Variants in MPP2 observed in about 807,000 individuals in gnomAD.
MPP2 encodes MAGUK p55 subfamily member 2.
Under a neutral mutation model 58.5 loss-of-function variants are expected in MPP2, and 42 were observed. That is an observed-to-expected ratio of 0.72 (90% CI 0.56 to 0.93). The LOEUF is 0.93. Ranked by LOEUF, MPP2 falls within the 40% of genes least tolerant of loss-of-function variation. MPP2 has a pLI of 0.00. For synonymous variants in MPP2, 300 were observed against 307.8 expected (o/e 0.97, Z 0.26); for missense variants, 632 against 760.4 (o/e 0.83, Z 1.99).
chr17:43,879,834 A>C lies in MPP2; in HGVS notation c.1301T>G (p.Ile434Ser), dbSNP rs2047024072. Reference protein sequence around the residue: ...GNLYGTRIDSIRGVVAAGKVC... With the variant: ...GNLYGTRIDSSRGVVAAGKVC... ...CTTCCCAGCAGCGACCACGCCCCGG[A>C]TGGAGTCAATACGTGTGCCATACAG... The change falls in exon 11 of 13, where the codon ATC becomes AGC. Residue 434 changes from isoleucine (I) to serine (S), a missense_variant. Transcript: ENST00000269095. The surrounding 1 kb of genome is among the most constrained non-coding windows in gnomAD (Gnocchi z 4.1). 4 of 1,613,920 alleles carry C rather than the reference A, an allele frequency of 2.5e-6. No homozygotes were observed. Among genetic ancestry groups the C allele is most frequent in the Non-Finnish European group, 3.4e-6 (4 of 1,179,962 alleles).
chr17:43,893,535 G>A (rs1223567522), intron 3 of MPP2, among the ~76,000 whole-genome samples: 1 of 152,210 alleles, frequency 6.6e-6, no homozygotes, highest in Admixed American at 6.5e-5. Context: ...CCATGGACCA[G>A]TACTGATCCG....
At position 43,877,043 on chromosome 17, in the gene MPP2, G is replaced by A. The variant is rs939193901; in HGVS notation, c.*764C>T. On this transcript the variant is annotated 3_prime_UTR_variant, in exon 13 of 13. Coordinates refer to ENST00000269095, the MANE Select transcript of MPP2 (RefSeq NM_005374.5). ...CCTCCATCCTGCCCCTACCTGGGCT[G>A]AGCCCACTGGCCCCTGCCAGCCTGG... 6.5e-6 allele frequency: 1 copy of A among 152,776 alleles called. No homozygotes were observed. The highest frequency in any genetic ancestry group is 6.5e-5 in the Admixed American group (1 of 15,290). The allele number at this position is 152,776 out of a possible 1,614,324, so 9.5% of individuals were successfully genotyped here.
At position 43,880,749 on chromosome 17, in the gene MPP2, G is replaced by C; in HGVS notation, c.1092C>G (p.Arg364=). The C allele has an allele frequency of 3.1e-6, 5 of 1,614,028 alleles. No homozygotes were observed. The highest frequency in any genetic ancestry group is 4.2e-6 in the Non-Finnish European group (5 of 1,179,924). The change falls in exon 10 of 13, where the codon CGC becomes CGG. Residue 364 remains arginine (R), a synonymous_variant. Coordinates refer to ENST00000269095, the MANE Select transcript of MPP2 (RefSeq NM_005374.5). This position sits in a 1 kb window ranked among gnomAD's most constrained non-coding sequence, Gnocchi z 5.2. Reference sequence around the variant, plus strand: ...ACATGATGAGCTTGTTCTTCAGGCTGCGCCGTCCCACGCCCTGAGCCCCAA... The same window carrying C: ...ACATGATGAGCTTGTTCTTCAGGCTCCGCCGTCCCACGCCCTGAGCCCCAA... ...VLIGAQGVGR[R]SLKNKLIMWD... is the part of the protein sequence containing the mutation.
At chr17:43,885,745 G>C (rs145932364) in intron 3 of MPP2, among the ~76,000 whole-genome samples, 1 of 152,174 alleles carries the variant, frequency 6.6e-6, no homozygotes, top group Non-Finnish European at 1.5e-5. Context: ...TAGTAGGGGC[G>C]TAAGGGATAA....
In MPP2 at chr17:43,876,830, C is replaced by T. The variant is rs766854244; in HGVS notation, c.*977G>A. ...TCCTTCAAGCCCAGGCTCCCAAGGTCCCCTCTGCACTCCTCCTTAGCCCCT... is the reference window on the plus strand; with the variant it reads ...TCCTTCAAGCCCAGGCTCCCAAGGTTCCCTCTGCACTCCTCCTTAGCCCCT... On this transcript the variant is annotated 3_prime_UTR_variant, in exon 13 of 13. Coordinates refer to ENST00000269095, the MANE Select transcript of MPP2 (RefSeq NM_005374.5). The T allele has an allele frequency of 6.6e-6, 1 of 152,378 alleles. No homozygotes were observed. The highest frequency in any genetic ancestry group is 1.5e-5 in the Non-Finnish European group (1 of 68,124). The allele number at this position is 152,378 out of a possible 1,614,324, so 9.4% of individuals were successfully genotyped here. A position where few individuals can be genotyped will look rare whatever the true frequency, so the allele number is the denominator to read the frequency against.
chr17:43,895,531 T>C (rs1040690052), intron 3 of MPP2, among the ~76,000 whole-genome samples: 10 of 152,232 alleles, frequency 6.6e-5, no homozygotes, highest in African/African-American at 2.4e-4. Context: ...TATTTATTCA[T>C]TCAACAAATA....
intron 3 of MPP2, among the ~76,000 whole-genome samples, chr17:43,885,696 C>T (rs553167342): frequency 6.6e-6 from 1 of 152,270 alleles, no homozygotes; most frequent in African/African-American, 2.4e-5. Context: ...ACTGCTACTA[C>T]CTATCACAAA....
chr17:43,884,516 G>C (rs750261482), intron 3 of MPP2, among the ~76,000 whole-genome samples: 1 of 152,180 alleles, frequency 6.6e-6, no homozygotes, highest in African/African-American at 2.4e-5. Context: ...ACTGCACCCA[G>C]CCTAGACATT....
In MPP2 at chr17:43,907,344, G is replaced by C. The variant is rs1028333272; in HGVS notation, c.-34+130C>G. The C allele has an allele frequency of 1.5e-4, 146 of 985,594 alleles. 1 individual carries two copies. Among genetic ancestry groups the C allele is most frequent in the Non-Finnish European group, 2.3e-5 (19 of 830,176 alleles). 61.1% of individuals were successfully genotyped at this position (985,594 alleles called of 1,614,324 possible). A position where few individuals can be genotyped will look rare whatever the true frequency, so the allele number is the denominator to read the frequency against. On this transcript the variant is annotated intron_variant, in intron 1 of 12. Coordinates refer to ENST00000269095, the MANE Select transcript of MPP2 (RefSeq NM_005374.5). ...GGGGCGGGGGCGGGTGGACAGGGAG[G>C]GAACGGGCCTGGGTGAAAGGGGCCT... is the stretch of plus-strand genomic sequence containing the variant.
chr17:43,895,493 G>A (rs954883798), intron 3 of MPP2, among the ~76,000 whole-genome samples: 1 of 152,090 alleles, frequency 6.6e-6, no homozygotes, highest in African/African-American at 2.4e-5. Flanking sequence ...GGGTACTCAG[G>A]AGTTTGTTAT....
Position 43,879,548 on chromosome 17 carries a change from G to C in MPP2, c.1354-145C>G. On this transcript the variant is annotated intron_variant, in intron 11 of 12. Transcript: ENST00000269095. This position sits in a 1 kb window ranked among gnomAD's most constrained non-coding sequence, Gnocchi z 4.1. ...CCCGGGGGTCTGGGACATGAGTCCT[G>C]GGACAAATGACAAACAGCTGGCAGG... is the stretch of plus-strand genomic sequence containing the variant. The C allele has an allele frequency of 9.0e-7, 1 of 1,108,010 alleles. No homozygotes were observed. Among genetic ancestry groups the C allele is most frequent in the Admixed American group, 2.1e-5 (1 of 46,656 alleles). 68.6% of individuals were successfully genotyped at this position (1,108,010 alleles called of 1,614,324 possible).
At position 43,880,843 on chromosome 17, in the gene MPP2, C is replaced by T. The variant is rs369632162; in HGVS notation, c.998G>A (p.Arg333His). The change falls in exon 10 of 13, where the codon CGT becomes CAT. Residue 333 changes from arginine (R) to histidine (H), a missense_variant. Transcript: ENST00000269095. This position sits in a 1 kb window ranked among gnomAD's most constrained non-coding sequence, Gnocchi z 5.2. Reference protein sequence around the residue: ...YLTTKNAEFDRHELLIYEEVA... With the variant: ...YLTTKNAEFDHHELLIYEEVA... ...CTCCTCATAAATGAGCAGCTCATGACGGTCAAACTCTGGACACAGGGAGAT... is the reference window on the plus strand; with the variant it reads ...CTCCTCATAAATGAGCAGCTCATGATGGTCAAACTCTGGACACAGGGAGAT... 7 of 1,601,202 alleles carry T rather than the reference C, an allele frequency of 4.4e-6. No homozygotes were observed. Among genetic ancestry groups the T allele is most frequent in the Non-Finnish European group, 6.0e-6 (7 of 1,172,306 alleles).
chr17:43,884,263 T>C, intron 3 of MPP2: 1 of 602,974 alleles, frequency 1.7e-6, no homozygotes, highest in Non-Finnish European at 2.9e-6. Context: ...TTTTTCTGAT[T>C]CAGGATCTAA....
chr17:43,882,865 C>T, intron 5 of MPP2, 38 bp downstream of exon 5: 2 of 1,612,060 alleles, frequency 1.2e-6, no homozygotes, highest in South Asian at 2.2e-5. Context: ...ATCCCCCCAC[C>T]CTCACCAGCA....
rs768671532 is a variant in MPP2 at position 43,882,967 on chromosome 17, T to C, written c.389A>G (p.Asn130Ser). 6.2e-7 allele frequency: 1 copy of C among 1,614,096 alleles called. No homozygotes were observed. Among genetic ancestry groups the C allele is most frequent in the Non-Finnish European group, 8.5e-7 (1 of 1,180,020 alleles). Residue 130 changes from asparagine to serine, a missense_variant, in exon 5 of 13, where the codon AAC becomes AGC. Asn to Ser is a conservative substitution (Grantham distance 46, BLOSUM62 1). Transcript: ENST00000269095. ...CACAGCATCGGGAGGTACAGGCTGG[T>C]TGCTGAATGTAGGGTCCAGGCCAGG... The part of the protein sequence containing the change: ...PSPGLDPTFS[N>S]QPVPPDAVRM...
intron 3 of MPP2, among the ~76,000 whole-genome samples, chr17:43,893,046 G>C (rs2047676249): frequency 6.6e-6 from 1 of 151,802 alleles, no homozygotes; most frequent in Non-Finnish European, 1.5e-5. Flanking sequence ...ACAAATGAGT[G>C]AATGACATAG....
chr17:43,909,700 GGCCTT>G, upstream of MPP2: 11 of 976,192 alleles, frequency 1.1e-5, no homozygotes, highest in Non-Finnish European at 1.1e-5. Flanking sequence ...CTCTAATAAA[GGCCTT>G]GCAGAATGCC....
intron 2 of MPP2, chr17:43,901,335 C>T (rs1778674009): frequency 1.0e-6 from 1 of 985,438 alleles, no homozygotes. Flanking sequence ...TGAGTTCTTC[C>T]TCTTAATGAA....
chr17:43,907,602 A>G (rs1020469002), upstream of MPP2: 2 of 985,362 alleles, frequency 2.0e-6, no homozygotes, highest in Non-Finnish European at 2.4e-6. Flanking sequence ...GGAGGTCCGG[A>G]GGAGAGGGGA....
Sources: allele counts gnomAD v4.1 joint callset (sites outside exome capture counted in the v4.1 genomes callset), GRCh38; gene constraint gnomAD v4.1.1; non-coding constraint Gnocchi (gnomAD v3.1); transcripts MANE v1.5; gene names NCBI Gene and HGNC (gene_info 2026-07-23, HGNC 2026-07-21).